Variants in KNOP1 observed in about 807,000 individuals in gnomAD.
KNOP1 encodes the protein lysine rich nucleolar protein 1.
Under a neutral mutation model 30.6 loss-of-function variants are expected in KNOP1, and 20 were observed. The observed-to-expected ratio is 0.65, with a 90% CI of 0.46 to 0.95. The LOEUF (loss-of-function observed/expected upper bound fraction) is 0.95, where lower values mean the gene tolerates loss of function less well. KNOP1 is among the 40% of genes least tolerant of loss of function. KNOP1 has a pLI of 0.00. For missense variants in KNOP1, 540 were observed against 562.0 expected (o/e 0.96, Z 0.40); for synonymous variants, 204 against 210.0 (o/e 0.97, Z 0.25).
At chr16:19,715,223 A>G (rs2151656355) in intron 1 of KNOP1, 186 bp from the exon 2 acceptor site, 1 of 501,866 alleles carries the variant, frequency 2.0e-6, no homozygotes. Context: ...TTAAATCCAC[A>G]CAGCCCTAGG....
chr16:19,709,917 CGAT>C (rs1274782992), intron 4 of KNOP1, among the ~76,000 whole-genome samples: 1 of 152,166 alleles, frequency 6.6e-6, no homozygotes, highest in Non-Finnish European at 1.5e-5. Flanking sequence ...ACCGTGAGCG[CGAT>C]GATGGGGATC....
At position 19,714,222 on chromosome 16, in the gene KNOP1, A is replaced by C; in HGVS notation, c.814T>G (p.Ser272Ala). 1 of 1,612,350 alleles carries C rather than the reference A, an allele frequency of 6.2e-7. No homozygotes were observed. Among genetic ancestry groups the C allele is most frequent in the Non-Finnish European group, 8.5e-7 (1 of 1,179,630 alleles). The change falls in exon 2 of 5, where the codon TCC (serine) becomes GCC (alanine). Residue 272 changes from serine (S) to alanine (A), a missense_variant. Ser to Ala is a moderately conservative substitution (Grantham distance 99). Coordinates refer to ENST00000219837, the MANE Select transcript of KNOP1 (RefSeq NM_001012991.3). ...ACTGGCTGCTCTACCTTCTTTTTGG[A>C]CTTCATCTTTTTCTTTGCGGAGGCC... ...PKASAKKKMK[S>A]KKKVEQPVIE...
chr16:19,711,378 T>A lies in KNOP1; in HGVS notation c.981A>T (p.Ile327=). 1 of 1,614,042 alleles carries A rather than the reference T, an allele frequency of 6.2e-7. No individual in the cohort carries two copies. The highest frequency in any genetic ancestry group is 8.5e-7 in the Non-Finnish European group (1 of 1,180,012). The stretch of plus-strand genomic sequence containing the variant: ...AGGAGGGTCTGGGCTGTACCTGGTC[T>A]ATGTGCGCCTCATCCATGTTGCCTT... ...EKKGNMDEAH[I]DQVRRKALQE... is the part of the protein sequence containing the mutation. The change falls in exon 3 of 5, where the codon ATA becomes ATT. Residue 327 remains isoleucine (I), a synonymous_variant. Coordinates refer to ENST00000219837, the MANE Select transcript of KNOP1 (RefSeq NM_001012991.3).
chr16:19,711,744 C>G, intron 2 of KNOP1: 1 of 406,690 alleles, frequency 2.5e-6, no homozygotes, highest in Non-Finnish European at 4.6e-6. Flanking sequence ...ACCCACATCT[C>G]CTGACCCAGG....
At chr16:19,717,298 C>T (rs1387838962) in intron 1 of KNOP1, 1 of 985,128 alleles carries the variant, frequency 1.0e-6, no homozygotes, top group South Asian at 4.7e-5. Context: ...ATTGTATTGG[C>T]ATTTAAATAA....
At chr16:19,711,251 G>A (rs1976703931) in intron 3 of KNOP1, 121 bp downstream of exon 3, 1 of 933,746 alleles carries the variant, frequency 1.1e-6, no homozygotes, top group African/African-American at 1.6e-5. Flanking sequence ...TGGCCCAGTG[G>A]CCTCTGGAGT....
intron 3 of KNOP1, 140 bp downstream of exon 3, chr16:19,711,232 G>T (rs537666007): frequency 2.5e-5 from 20 of 788,192 alleles, no homozygotes; most frequent in South Asian, 2.3e-4. Flanking sequence ...GGAGGTGTGC[G>T]TTGGCAGCTG....
intron 4 of KNOP1, chr16:19,710,291 G>A (rs1015419835): frequency 2.2e-5 from 13 of 603,972 alleles, no homozygotes; most frequent in African/African-American, 7.4e-5. Flanking sequence ...TTATCTCACC[G>A]GGCCAGCTCT....
chr16:19,718,147 C>G lies in KNOP1; in HGVS notation c.-3+11G>C. 1 of 1,472,438 alleles carries G rather than the reference C, an allele frequency of 6.8e-7. No homozygotes were observed. The highest frequency in any genetic ancestry group is 9.0e-7 in the Non-Finnish European group (1 of 1,117,160). The allele number at this position is 1,472,438 out of a possible 1,614,324, so 91.2% of individuals were successfully genotyped here. On this transcript the variant is annotated intron_variant, in intron 1 of 4. Coordinates refer to ENST00000219837, the MANE Select transcript of KNOP1 (RefSeq NM_001012991.3). ...CGCGCCGGCCCGCCTGCAACGCGCC[C>G]TGGCACTCACCGGTGGGCGAAATTT...
chr16:19,714,259 A>G lies in KNOP1; in HGVS notation c.777T>C (p.Ser259=), dbSNP rs559067897. 1.1e-5 allele frequency: 17 copies of G among 1,613,640 alleles called. No homozygotes were observed. The South Asian group carries it at 1.9e-4, about 18-fold the overall frequency. ...TCTTTGCGGAGGCCTTAGGGTCATC[A>G]CTTATGGGGATGTATTCCGGAGCCT... The part of the protein sequence containing the change: ...KVEAPEYIPI[S]DDPKASAKKK... Residue 259 remains serine, a synonymous_variant, in exon 2 of 5, where the codon AGT becomes AGC. Transcript: ENST00000219837.
At chr16:19,712,045 C>T (rs1976748155) in intron 2 of KNOP1, 1 of 153,342 alleles carries the variant, frequency 6.5e-6, no homozygotes, top group Non-Finnish European at 1.5e-5. Flanking sequence ...ATCACTCATC[C>T]AGGCCTGCAA....
intron 1 of KNOP1, 84 bp downstream of exon 1, chr16:19,718,074 T>C (rs1977290586): frequency 7.0e-7 from 1 of 1,424,052 alleles, no homozygotes; most frequent in Non-Finnish European, 9.1e-7. Flanking sequence ...GGACCGCATT[T>C]CCCCATCTTC....
rs1006320384 is a variant in KNOP1, at chr16:19,703,791, A to C, written c.*3119T>G. The C allele has an allele frequency of 3.3e-5, 5 of 152,226 alleles. No individual in the cohort carries two copies. The highest frequency in any genetic ancestry group is 1.2e-4 in the African/African-American group (5 of 41,456). 9.4% of individuals were successfully genotyped at this position (152,226 alleles called of 1,614,324 possible). A position where few individuals can be genotyped will look rare whatever the true frequency, so the allele number is the denominator to read the frequency against. ...TGGCAGAAAGCAAAAGGACAAGATT[A>C]AGTCCATTCTGAAGACACCCAGCAT... On this transcript the variant is annotated 3_prime_UTR_variant, in exon 5 of 5. Coordinates refer to ENST00000219837, the MANE Select transcript of KNOP1 (RefSeq NM_001012991.3).
chr16:19,714,087 C>A, intron 2 of KNOP1, 31 bp downstream of exon 2: 2 of 1,577,552 alleles, frequency 1.3e-6, no homozygotes, highest in Non-Finnish European at 1.7e-6. Flanking sequence ...AATTCTCCCA[C>A]GGCAAAGTCC....
At chr16:19,718,099 C>T (rs1977293754) in intron 1 of KNOP1, 59 bp downstream of exon 1, 19 of 1,431,364 alleles carry the variant, frequency 1.3e-5, no homozygotes, top group Non-Finnish European at 2.7e-6. Flanking sequence ...CCGCGCACTT[C>T]CTCTGGTGCA....
At chr16:19,709,321 G>A (rs1206602488) in intron 4 of KNOP1, among the ~76,000 whole-genome samples, 1 of 152,198 alleles carries the variant, frequency 6.6e-6, no homozygotes, top group East Asian at 1.9e-4. Context: ...GGCCAGCATC[G>A]CTGGTCACCC....
intron 1 of KNOP1, chr16:19,715,490 C>T: frequency 6.6e-6 from 1 of 151,034 alleles, no homozygotes; most frequent in Non-Finnish European, 1.5e-5. Context: ...TCTCGGCCCA[C>T]TGCAACCTCC....
In KNOP1 at chr16:19,714,957, T is replaced by A. The variant is rs1437713980; in HGVS notation, c.79A>T (p.Thr27Ser). Residue 27 changes from threonine (T) to serine (S), a missense_variant, in exon 2 of 5, where the codon ACT becomes TCT. Thr to Ser is a moderately conservative substitution (Grantham distance 58). Coordinates refer to ENST00000219837, the MANE Select transcript of KNOP1 (RefSeq NM_001012991.3). ...TCATTGTTTAAAACTGAGTATCGAG[T>A]CTCTGGTTCTTTGACCACTTTCTTC... is the stretch of plus-strand genomic sequence containing the variant. ...KKKKVVKEPE[T>S]RYSVLNNDDY... The A allele has an allele frequency of 6.2e-7, 1 of 1,606,164 alleles. No homozygotes were observed. The highest frequency in any genetic ancestry group is 8.5e-7 in the Non-Finnish European group (1 of 1,177,866).
At position 19,703,201 on chromosome 16, in the gene KNOP1, C is replaced by T. The variant is rs1976233483; in HGVS notation, c.*3709G>A. On this transcript the variant is annotated 3_prime_UTR_variant, in exon 5 of 5. Coordinates refer to ENST00000219837, the MANE Select transcript of KNOP1 (RefSeq NM_001012991.3). ...AGGCATCAGCAGGGCTACGCTCCTT[C>T]TGGGAGGCTCTAGGGGAGAATCTAC... is the stretch of plus-strand genomic sequence containing the variant. The T allele has an allele frequency of 2.0e-5, 3 of 152,238 alleles. No individual in the cohort carries two copies. The highest frequency in any genetic ancestry group is 2.0e-4 in the Admixed American group (3 of 15,274). The allele number at this position is 152,238 out of a possible 1,614,324, so 9.4% of individuals were successfully genotyped here. A position where few individuals can be genotyped will look rare whatever the true frequency, so the allele number is the denominator to read the frequency against.
Sources: gnomAD v4.1 joint callset for allele counts (sites outside exome capture counted in the v4.1 genomes callset) on GRCh38, gnomAD v4.1.1 for gene constraint, MANE v1.5 for transcripts, NCBI Gene and HGNC (gene_info 2026-07-23, HGNC 2026-07-21) for gene names.